The following ARNT2 variants were observed in gnomAD, a reference collection of about 807,000 sequenced individuals.
The protein encoded by ARNT2 is aryl hydrocarbon receptor nuclear translocator 2.
Under a neutral mutation model 91.7 loss-of-function variants are expected in ARNT2, and 36 were observed. The ratio of observed to expected loss-of-function variants is 0.39; its 90% confidence interval spans 0.30 to 0.52. The LOEUF (loss-of-function observed/expected upper bound fraction) is 0.52. Ranked by LOEUF, ARNT2 falls within the 20% of genes least tolerant of loss-of-function variation. The pLI is 0.72. For missense variants in ARNT2, 775 were observed against 939.3 expected (o/e 0.83, Z 2.29); for synonymous variants, 365 against 347.1 (o/e 1.05, Z -0.57).
At chr15:80,500,472 ATTCTAAT>A (rs763489606) in intron 5 of ARNT2, among the ~76,000 whole-genome samples, 3 of 152,182 alleles carry the variant, frequency 2.0e-5, no homozygotes, top group Non-Finnish European at 4.4e-5. Flanking sequence ...TGATGAAATA[ATTCTAAT>A]TTATATTTGT....
chr15:80,465,302 C>T (rs921384315), intron 3 of ARNT2, among the ~76,000 whole-genome samples: 1 of 152,166 alleles, frequency 6.6e-6, no homozygotes, highest in African/African-American at 2.4e-5. Context: ...AGGCCTGTTT[C>T]CAAGCCCGAT....
chr15:80,493,760 C>T (rs189228063), intron 5 of ARNT2, among the ~76,000 whole-genome samples: 259 of 152,198 alleles, frequency 1.7e-3, no homozygotes, highest in African/African-American at 5.9e-3. Flanking sequence ...ATGGTTGTCC[C>T]CTCCAAATCT....
rs144382835 is a variant in ARNT2 at position 80,471,765 on chromosome 15, G to A, written c.408+1334G>A. ...GCAGATTGCTCAGGGTTAATCTGCTGCTTAGTGGAGGAGCCAAGATTGGGT... is the reference window on the plus strand; with the variant it reads ...GCAGATTGCTCAGGGTTAATCTGCTACTTAGTGGAGGAGCCAAGATTGGGT... On this transcript the variant is annotated intron_variant, in intron 4 of 18. Transcript: ENST00000303329. Among the ~76,000 whole-genome samples the A allele has an allele frequency of 3.6e-3, 553 of 152,284 alleles. 4 individuals carry two copies. The highest frequency in any genetic ancestry group is 0.013 in the African/African-American group (537 of 41,552).
intron 11 of ARNT2, chr15:80,556,504 AG>A (rs1179448853): frequency 6.6e-6 from 1 of 152,600 alleles, no homozygotes; most frequent in Admixed American, 6.5e-5. Flanking sequence ...AATTTGAAAT[AG>A]GGGGCAACTT....
At chr15:80,559,682 TC>T (rs201220132) in intron 11 of ARNT2, among the ~76,000 whole-genome samples, 2,578 of 152,262 alleles carry the variant, frequency 0.017, 39 homozygotes, top group East Asian at 0.068. Flanking sequence ...GGATTCCCTC[TC>T]CAGGCACAGT....
At chr15:80,447,578 A>G (rs1896325059) in intron 1 of ARNT2, among the ~76,000 whole-genome samples, 1 of 152,180 alleles carries the variant, frequency 6.6e-6, no homozygotes, top group South Asian at 2.1e-4. Flanking sequence ...TTCCTAAGCC[A>G]CCTTCTTTGG....
At chr15:80,455,335 T>C (rs1310103570) in intron 2 of ARNT2, among the ~76,000 whole-genome samples, 1 of 152,184 alleles carries the variant, frequency 6.6e-6, no homozygotes, top group African/African-American at 2.4e-5. Flanking sequence ...CTAGAGCTGA[T>C]GGCTGTACAC....
intron 5 of ARNT2, among the ~76,000 whole-genome samples, chr15:80,490,831 A>T (rs1420382256): frequency 6.6e-6 from 1 of 152,270 alleles, no homozygotes; most frequent in Non-Finnish European, 1.5e-5. Flanking sequence ...GTCACCATGC[A>T]TCATGGAGCT....
chr15:80,589,387 G>T (rs1199342775), intron 17 of ARNT2, among the ~76,000 whole-genome samples: 1 of 152,170 alleles, frequency 6.6e-6, no homozygotes, highest in Non-Finnish European at 1.5e-5. Flanking sequence ...GCAAAGGGAA[G>T]GAGAGGTAGG....
intron 5 of ARNT2, among the ~76,000 whole-genome samples, chr15:80,490,132 T>C (rs1897034586): frequency 6.6e-6 from 1 of 152,112 alleles, no homozygotes; most frequent in South Asian, 2.1e-4. Flanking sequence ...AGAAGCTGGA[T>C]AGGTCAGGAC....
At position 80,450,921 on chromosome 15, in the gene ARNT2, G is replaced by T; in HGVS notation, c.73G>T (p.Ala25Ser). 1 of 1,614,188 alleles carries T rather than the reference G, an allele frequency of 6.2e-7. No homozygotes were observed. Among genetic ancestry groups the T allele is most frequent in the Non-Finnish European group, 8.5e-7 (1 of 1,180,042 alleles). The change falls in exon 2 of 19, where the codon GCC becomes TCC. Residue 25 changes from alanine to serine, a missense_variant. Around this residue, in one of 5 missense-constraint regions of ARNT2, gnomAD observed 79 missense variants for 83.8 expected, o/e 0.94. Transcript: ENST00000303329. ...ACCTGGATCTGTGACGTTGCCCGTTGCCCCCATGGCGGCCACCGGACAGGT... is the reference window on the plus strand; with the variant it reads ...ACCTGGATCTGTGACGTTGCCCGTTTCCCCCATGGCGGCCACCGGACAGGT... ...DIPGSVTLPV[A>S]PMAATGQVRM... is the part of the protein sequence containing the mutation.
At chr15:80,555,318 G>A in intron 11 of ARNT2, 179 bp downstream of exon 11, 1 of 593,160 alleles carries the variant, frequency 1.7e-6, no homozygotes, top group Admixed American at 2.9e-5. Context: ...ACACACATCA[G>A]TAAATAAGTA....
intron 1 of ARNT2, among the ~76,000 whole-genome samples, chr15:80,406,041 T>G (rs1895597481): frequency 6.6e-6 from 1 of 152,094 alleles, no homozygotes; most frequent in Admixed American, 6.5e-5. Flanking sequence ...GAGGCCAGCA[T>G]GAAATGAGGC....
chr15:80,514,046 G>T (rs963431470), intron 7 of ARNT2, 70 bp downstream of exon 7: 2 of 1,455,802 alleles, frequency 1.4e-6, no homozygotes. Flanking sequence ...AAGCTAAGCA[G>T]CCTAGATTAA....
At chr15:80,552,079 A>T (rs1020657054) in intron 9 of ARNT2, among the ~76,000 whole-genome samples, 3 of 152,174 alleles carry the variant, frequency 2.0e-5, no homozygotes, top group African/African-American at 7.2e-5. Flanking sequence ...AAGAGGAGAG[A>T]CATACTAGAC....
At chr15:80,472,895 C>G (rs777059252) in intron 4 of ARNT2, among the ~76,000 whole-genome samples, 9 of 152,148 alleles carry the variant, frequency 5.9e-5, no homozygotes, top group Non-Finnish European at 1.2e-4. Flanking sequence ...AAAAGACCTA[C>G]AGAGTCAAGG....
intron 5 of ARNT2, among the ~76,000 whole-genome samples, chr15:80,477,309 G>A (rs1406598509): frequency 1.3e-5 from 2 of 152,138 alleles, no homozygotes; most frequent in Non-Finnish European, 2.9e-5. Flanking sequence ...CTTGATGTCT[G>A]GCAAGGGCCT....
intron 8 of ARNT2, among the ~76,000 whole-genome samples, chr15:80,548,954 AG>A (rs1898034432): frequency 6.6e-6 from 1 of 152,182 alleles, no homozygotes; most frequent in African/African-American, 2.4e-5. Flanking sequence ...AGAATAGCCA[AG>A]AAAAAATACA....
In ARNT2 at chr15:80,594,664, A is replaced by G. The variant is rs1413703990; in HGVS notation, c.*966A>G. Reference sequence around the variant, plus strand: ...TGAATAGCTGTGTTCCTGATCCCACATAAGCATGTCTCATCCTTGCCCCAC... The same window carrying G: ...TGAATAGCTGTGTTCCTGATCCCACGTAAGCATGTCTCATCCTTGCCCCAC... On this transcript the variant is annotated 3_prime_UTR_variant, in exon 19 of 19. Transcript: ENST00000303329. The G allele has an allele frequency of 6.6e-6, 1 of 152,400 alleles. No homozygotes were observed. Among genetic ancestry groups the G allele is most frequent in the Admixed American group, 6.5e-5 (1 of 15,294 alleles). The allele number at this position is 152,400 out of a possible 1,614,324, so 9.4% of individuals were successfully genotyped here.
Sources: gnomAD v4.1 joint callset for allele counts (sites outside exome capture counted in the v4.1 genomes callset) on GRCh38, gnomAD v4.1.1 for gene constraint, gnomAD v4.1.1 regional missense constraint, MANE v1.5 for transcripts, NCBI Gene and HGNC (gene_info 2026-07-23, HGNC 2026-07-21) for gene names.